The following GRXCR1 variants were observed in gnomAD, a reference collection of about 807,000 sequenced individuals.
The protein encoded by GRXCR1 is glutaredoxin and cysteine rich domain containing 1.
In GRXCR1, 27 loss-of-function variants were observed where a neutral mutation model predicts 27.3. The observed-to-expected ratio is 0.99, with a 90% confidence interval of 0.73 to 1.37. GRXCR1 has a LOEUF of 1.37. Ranked by LOEUF, GRXCR1 falls within the 40% of genes most tolerant of loss-of-function variation. The pLI is 0.00. For missense variants in GRXCR1, 379 were observed against 354.4 expected, an observed-to-expected ratio of 1.07 and a Z score of -0.56; for synonymous variants, 122 against 131.1, an observed-to-expected ratio of 0.93 and a Z score of 0.47.
chr4:42,905,016 CAAGATTTTTTGGCAG>C (rs1211780108), intron 1 of GRXCR1, among the ~76,000 whole-genome samples: 1 of 152,172 alleles, frequency 6.6e-6, no homozygotes, highest in African/African-American at 2.4e-5. Context: ...CTTGGTACCA[CAAGATTTTTTGGCAG>C]AAATCACTTC....
At chr4:42,918,141 T>TG (rs1399505029) in intron 1 of GRXCR1, among the ~76,000 whole-genome samples, 3 of 152,248 alleles carry the variant, frequency 2.0e-5, no homozygotes, top group East Asian at 3.9e-4. Flanking sequence ...CCAGCATGTT[T>TG]GGTGTCTGGT....
At chr4:42,898,553 AT>A (rs1327834565) in intron 1 of GRXCR1, among the ~76,000 whole-genome samples, 1 of 152,100 alleles carries the variant, frequency 6.6e-6, no homozygotes, top group Non-Finnish European at 1.5e-5. Context: ...ACAAGGTGAT[AT>A]TCTTGATGAC....
chr4:42,984,361 T>A, intron 2 of GRXCR1, among the ~76,000 whole-genome samples: 1 of 152,248 alleles, frequency 6.6e-6, no homozygotes, highest in East Asian at 1.9e-4. Flanking sequence ...TTATTTTGAA[T>A]CTTCATCCGG....
At chr4:42,990,895 C>T (rs2109790932) in intron 2 of GRXCR1, among the ~76,000 whole-genome samples, 1 of 152,110 alleles carries the variant, frequency 6.6e-6, no homozygotes, top group Non-Finnish European at 1.5e-5. Flanking sequence ...ATAATTATTC[C>T]ATTCAAATAT....
chr4:42,936,862 T>C (rs575232212), intron 1 of GRXCR1, among the ~76,000 whole-genome samples: 19 of 152,082 alleles, frequency 1.2e-4, no homozygotes, highest in African/African-American at 4.6e-4. Flanking sequence ...TATCATTCTG[T>C]AAAGAGTACA....
chr4:42,913,551 G>A (rs1480249450), intron 1 of GRXCR1, among the ~76,000 whole-genome samples: 1 of 152,190 alleles, frequency 6.6e-6, no homozygotes, highest in Non-Finnish European at 1.5e-5. Flanking sequence ...AAGCATTCAA[G>A]AGGAATTGGA....
intron 2 of GRXCR1, among the ~76,000 whole-genome samples, chr4:42,976,405 G>T (rs1043337783): frequency 6.6e-6 from 1 of 151,904 alleles, no homozygotes; most frequent in African/African-American, 2.4e-5. Context: ...TTTTCTGTAT[G>T]TTTTATATCT....
chr4:42,914,282 T>C (rs1324940166), intron 1 of GRXCR1, among the ~76,000 whole-genome samples: 2 of 152,222 alleles, frequency 1.3e-5, no homozygotes, highest in South Asian at 2.1e-4. Flanking sequence ...GGGGGCTGTA[T>C]CCTGCAAAGC....
intron 1 of GRXCR1, among the ~76,000 whole-genome samples, chr4:42,941,235 C>G (rs904019359): frequency 2.0e-5 from 3 of 152,028 alleles, no homozygotes; most frequent in East Asian, 1.9e-4. Flanking sequence ...ATGCCCTAAG[C>G]AAATGTTAAC....
At chr4:42,946,703 T>C (rs1368250575) in intron 1 of GRXCR1, among the ~76,000 whole-genome samples, 2 of 152,112 alleles carry the variant, frequency 1.3e-5, no homozygotes, top group Non-Finnish European at 2.9e-5. Flanking sequence ...CTGGCCTCTT[T>C]TATAAAGGCA....
intron 1 of GRXCR1, among the ~76,000 whole-genome samples, chr4:42,912,457 C>T (rs1746744360): frequency 6.6e-6 from 1 of 152,076 alleles, no homozygotes; most frequent in African/African-American, 2.4e-5. Flanking sequence ...GGAAGTAAAA[C>T]AACCATGGGA....
intron 1 of GRXCR1, among the ~76,000 whole-genome samples, chr4:42,915,992 A>T (rs1560647915): frequency 6.6e-6 from 1 of 151,942 alleles, no homozygotes; most frequent in Admixed American, 6.6e-5. Flanking sequence ...ATGACTTTGA[A>T]CAGACAATTT....
At chr4:43,028,725 T>C (rs1713331865) in intron 3 of GRXCR1, among the ~76,000 whole-genome samples, 1 of 152,256 alleles carries the variant, frequency 6.6e-6, no homozygotes, top group South Asian at 2.1e-4. Context: ...TTCTTTTTTC[T>C]ATTTTAATAT....
At chr4:42,913,966 A>G (rs927848639) in intron 1 of GRXCR1, among the ~76,000 whole-genome samples, 6 of 152,224 alleles carry the variant, frequency 3.9e-5, no homozygotes, top group African/African-American at 1.2e-4. Context: ...AGGTGCACAG[A>G]CATCAAGAAT....
intron 2 of GRXCR1, among the ~76,000 whole-genome samples, chr4:43,015,062 A>C (rs28709050): frequency 0.097 from 14,779 of 152,232 alleles, 1,486 homozygotes; most frequent in African/African-American, 0.26. Context: ...GAGGTGGTGG[A>C]AGAAAGATAG....
chr4:43,018,962 C>T (rs1208483543), intron 2 of GRXCR1, among the ~76,000 whole-genome samples: 3 of 152,152 alleles, frequency 2.0e-5, no homozygotes, highest in South Asian at 2.1e-4. Flanking sequence ...TAGCCCTGTG[C>T]GTTCGTTCAT....
chr4:42,979,046 A>T (rs1424977594), intron 2 of GRXCR1, among the ~76,000 whole-genome samples: 1 of 151,944 alleles, frequency 6.6e-6, no homozygotes, highest in African/African-American at 2.4e-5. Flanking sequence ...AGGCCTCCCT[A>T]GCCATACTGA....
chr4:42,927,814 G>T (rs772289083), intron 1 of GRXCR1, among the ~76,000 whole-genome samples: 2 of 151,940 alleles, frequency 1.3e-5, no homozygotes, highest in Non-Finnish European at 2.9e-5. Context: ...CCCATTAAGG[G>T]TAAATGTTTT....
chr4:43,020,302 T>C, intron 2 of GRXCR1, 52 bp from the exon 3 acceptor site: 3 of 1,171,556 alleles, frequency 2.6e-6, no homozygotes, highest in Non-Finnish European at 3.9e-6. Context: ...AACTTTATTT[T>C]CTCAAATACT....
Sources: allele counts gnomAD v4.1 joint callset (sites outside exome capture counted in the v4.1 genomes callset), GRCh38; gene constraint gnomAD v4.1.1; transcripts MANE v1.5; gene names NCBI Gene and HGNC (gene_info 2026-07-23, HGNC 2026-07-21).